LASP1NB: variants seen among roughly 807,000 people sequenced by gnomAD.
LASP1NB encodes LASP1 neighbor, also known as LASP1 neighbor protein.
chr17:38,926,006 A>ATAAT, the LASP1NB span: 13 of 345,696 alleles, frequency 3.8e-5, no homozygotes, highest in Non-Finnish European at 6.2e-5. Flanking sequence ...TTGGGACCTA[A>ATAAT]TTTAAAATAA....
chr17:38,925,625 C>G, the LASP1NB span: 1 of 398,306 alleles, frequency 2.5e-6, no homozygotes, highest in Non-Finnish European at 4.4e-6. Context: ...TCTCCACCGA[C>G]TGCAACCTCC....
At chr17:38,927,570 C>G in the LASP1NB span, 2 of 152,074 alleles carry the variant, frequency 1.3e-5, no homozygotes, top group African/African-American at 4.8e-5. Context: ...GACATCATGT[C>G]ACTGCACTCC....
chr17:38,929,198 CA>C, the LASP1NB span: 1 of 152,120 alleles, frequency 6.6e-6, no homozygotes, highest in Non-Finnish European at 1.5e-5. Context: ...TAGCTTATAA[CA>C]GGGTTTTACT....
the LASP1NB span, chr17:38,929,148 AATT>A: frequency 6.6e-6 from 1 of 152,234 alleles, no homozygotes; most frequent in African/African-American, 2.4e-5. Context: ...ATTTTGGAAA[AATT>A]ATATGACTTT....
the LASP1NB span, chr17:38,928,693 G>C: frequency 6.6e-6 from 1 of 152,196 alleles, no homozygotes; most frequent in South Asian, 2.1e-4. Context: ...GCATGGCTGT[G>C]AACCTGGATA....
the LASP1NB span, chr17:38,928,957 G>T: frequency 6.6e-6 from 1 of 152,048 alleles, no homozygotes; most frequent in Non-Finnish European, 1.5e-5. Context: ...TGACATCAAG[G>T]CTTCTCAGTC....
At chr17:38,928,972 T>A in the LASP1NB span, 1 of 152,220 alleles carries the variant, frequency 6.6e-6, no homozygotes, top group Non-Finnish European at 1.5e-5. Context: ...TCAGTCTGTA[T>A]TCACATAAAG....
At chr17:38,927,440 G>GT in the LASP1NB span, 7 of 151,912 alleles carry the variant, frequency 4.6e-5, no homozygotes, top group African/African-American at 1.7e-4. Context: ...GTGAAACCCC[G>GT]TCTCTACTAA....
the LASP1NB span, chr17:38,925,861 C>A: frequency 1.0e-5 from 4 of 396,752 alleles, no homozygotes; most frequent in Admixed American, 1.8e-4. Context: ...GCTGACGCAC[C>A]GGTGGATTTT....
At chr17:38,925,717 G>A in the LASP1NB span, 1 of 398,584 alleles carries the variant, frequency 2.5e-6, no homozygotes, top group Non-Finnish European at 4.4e-6. Context: ...TCATCCTGAT[G>A]TTCTTTGCCA....
At chr17:38,926,322 T>C in the LASP1NB span, 1 of 152,202 alleles carries the variant, frequency 6.6e-6, no homozygotes, top group Admixed American at 6.5e-5. Context: ...TTCGGGGAGA[T>C]GTCCAACTGT....
At chr17:38,929,317 G>A in the LASP1NB span, 1 of 150,772 alleles carries the variant, frequency 6.6e-6, no homozygotes, top group South Asian at 2.2e-4. Flanking sequence ...ATAAGATTTT[G>A]TATAAATTTT....
the LASP1NB span, chr17:38,925,918 GAAAA>G: frequency 1.0e-5 from 4 of 393,410 alleles, no homozygotes; most frequent in East Asian, 7.2e-5. Flanking sequence ...AAAAAGAAAA[GAAAA>G]AAAGAAAGAG....
chr17:38,927,100 G>T, the LASP1NB span: 1 of 135,842 alleles, frequency 7.4e-6, no homozygotes, highest in Non-Finnish European at 1.6e-5. Flanking sequence ...AAATGAGTGT[G>T]TGTGTGTGTG....
At chr17:38,925,889 C>A in the LASP1NB span, 3 of 394,822 alleles carry the variant, frequency 7.6e-6, no homozygotes, top group Non-Finnish European at 8.9e-6. Flanking sequence ...GCTGTTATCT[C>A]GGGTATTGAT....
the LASP1NB span, chr17:38,925,794 C>G: frequency 5.0e-6 from 2 of 398,516 alleles, no homozygotes; most frequent in Middle Eastern, 6.3e-4. Context: ...GCGGCCGGAG[C>G]CTGCTGGAGA....
chr17:38,926,738 T>C, the LASP1NB span: 2 of 152,220 alleles, frequency 1.3e-5, no homozygotes, highest in African/African-American at 2.4e-5. Flanking sequence ...TAAATGCAAC[T>C]GCACATTACA....
the LASP1NB span, chr17:38,926,663 G>A: frequency 2.6e-5 from 4 of 152,158 alleles, no homozygotes; most frequent in Non-Finnish European, 5.9e-5. Flanking sequence ...AGTTACCGTG[G>A]AGAACTGCTC....
chr17:38,927,620 A>AAAAT, the LASP1NB span: 3 of 152,200 alleles, frequency 2.0e-5, no homozygotes, highest in African/African-American at 4.8e-5. Flanking sequence ...CAAATAAAAT[A>AAAAT]AAATAAATAA....
Sources: allele counts gnomAD v4.1 joint callset, GRCh38; gene constraint gnomAD v4.1.1; transcripts MANE v1.5; gene names NCBI Gene and HGNC (gene_info 2026-07-23, HGNC 2026-07-21).